The following USP28 variants were observed in gnomAD, a reference collection of about 807,000 sequenced individuals.
The protein encoded by USP28 is ubiquitin specific peptidase 28.
USP28 carries 113 observed loss-of-function variants against 145.0 expected under a neutral mutation model. The observed-to-expected ratio is 0.78, with a 90% CI of 0.67 to 0.91. The LOEUF (loss-of-function observed/expected upper bound fraction) is 0.91. Among genes scored for constraint, USP28 ranks in the 40% least tolerant of loss-of-function variants. The pLI, the probability that USP28 is intolerant of heterozygous loss-of-function variation, is 0.00. For missense variants in USP28, 1,201 were observed against 1,289.6 expected (o/e 0.93, Z 1.05); for synonymous variants, 447 against 450.9 (o/e 0.99, Z 0.11).
intron 2 of USP28, 45 bp downstream of exon 2, chr11:113,854,213 C>G: frequency 6.5e-7 from 1 of 1,530,536 alleles, no homozygotes; most frequent in Non-Finnish European, 9.0e-7. Flanking sequence ...ATAATATAGA[C>G]AGCTGCTTTA....
chr11:113,853,098 T>C (rs1352926214), intron 2 of USP28, among the ~76,000 whole-genome samples: 2 of 151,894 alleles, frequency 1.3e-5, no homozygotes, highest in African/African-American at 4.8e-5. Flanking sequence ...AGCCCAGGAA[T>C]TGGAGACCAG....
intron 24 of USP28, among the ~76,000 whole-genome samples, chr11:113,799,988 C>G (rs1228869421): frequency 6.6e-6 from 1 of 151,990 alleles, no homozygotes; most frequent in Non-Finnish European, 1.5e-5. Flanking sequence ...AACTTAAACA[C>G]TTGAACAAGT....
intron 1 of USP28, among the ~76,000 whole-genome samples, chr11:113,871,920 G>A (rs1948860058): frequency 6.6e-6 from 1 of 152,102 alleles, no homozygotes; most frequent in South Asian, 2.1e-4. Context: ...GGCTCTTGGG[G>A]TCAGAACTGC....
chr11:113,801,619 C>G (rs1355988726), exon 24 of USP28: 1 of 1,607,874 alleles, frequency 6.2e-7, no homozygotes, highest in Non-Finnish European at 8.5e-7. Flanking sequence ...CATTAATGCC[C>G]TCAGTTACGG....
chr11:113,855,429 CA>C (rs1354686724), intron 1 of USP28, among the ~76,000 whole-genome samples: 1 of 152,166 alleles, frequency 6.6e-6, no homozygotes, highest in East Asian at 1.9e-4. Flanking sequence ...GAAATTAATT[CA>C]GCAACAAGAA....
exon 16 of USP28, chr11:113,812,388 A>G: frequency 6.2e-7 from 1 of 1,614,108 alleles, no homozygotes; most frequent in Non-Finnish European, 8.5e-7. Context: ...ATTCAGTAAC[A>G]GAGATGTCAT....
Position 113,807,936 on chromosome 11 carries a change from C to T in USP28, c.2304+362G>A. 9.3e-7 allele frequency: 1 copy of T among 1,075,114 alleles called. No individual in the cohort carries two copies. Among genetic ancestry groups the T allele is most frequent in the Non-Finnish European group, 1.1e-6 (1 of 879,344 alleles). 66.6% of individuals were successfully genotyped at this position (1,075,114 alleles called of 1,614,324 possible). ...ACTGACAACAAACAACTATATCCTG[C>T]ACTCATCTCTGTACCTCCTCATCAT... is the stretch of plus-strand genomic sequence containing the variant. On this transcript the variant is annotated intron_variant, in intron 18 of 24. Transcript: ENST00000003302.
chr11:113,815,234 T>C lies in USP28; in HGVS notation c.1612A>G (p.Ile538Val), dbSNP rs141617594. The C allele has an allele frequency of 2.5e-6, 4 of 1,614,070 alleles. No individual in the cohort carries two copies. In the African/African-American group the frequency reaches 4.0e-5, roughly 16 times the overall value. Residue 538 changes from isoleucine to valine, a missense_variant, in exon 14 of 25, where the codon ATA becomes GTA. Coordinates refer to ENST00000003302, the Ensembl canonical transcript of USP28. Reference sequence around the variant, plus strand: ...TGAAGACAGGTCTTAACAAAATTTATCTCCTCATCTGTGACTGTTCGTGGA... The same window carrying C: ...TGAAGACAGGTCTTAACAAAATTTACCTCCTCATCTGTGACTGTTCGTGGA...
intron 1 of USP28, among the ~76,000 whole-genome samples, chr11:113,864,341 C>T (rs1042016205): frequency 5.3e-5 from 8 of 152,114 alleles, no homozygotes; most frequent in African/African-American, 1.7e-4. Flanking sequence ...CAGAGTTCCC[C>T]AGAGAAACAG....
chr11:113,814,091 A>T (rs1941374496), intron 14 of USP28, 136 bp from the exon 15 acceptor site: 1 of 612,016 alleles, frequency 1.6e-6, no homozygotes, highest in African/African-American at 1.9e-5. Context: ...GAAGCAATAT[A>T]CAGTTTTAAA....
At chr11:113,837,596 T>A (rs1175296049) in intron 5 of USP28, among the ~76,000 whole-genome samples, 1 of 152,218 alleles carries the variant, frequency 6.6e-6, no homozygotes, top group African/African-American at 2.4e-5. Flanking sequence ...CTTTCCTGGC[T>A]CCCTAACAAT....
chr11:113,800,305 T>A (rs1938749069), intron 24 of USP28, among the ~76,000 whole-genome samples: 1 of 147,404 alleles, frequency 6.8e-6, no homozygotes, highest in African/African-American at 2.5e-5. Context: ...GCGCCCGGCC[T>A]TTTTTGTTTT....
chr11:113,828,112 T>G (rs1024354236), intron 10 of USP28, among the ~76,000 whole-genome samples: 1 of 152,238 alleles, frequency 6.6e-6, no homozygotes, highest in Non-Finnish European at 1.5e-5. Context: ...ATGTCTGAGG[T>G]TCCTGTCAAC....
chr11:113,868,060 T>G (rs1447683456), intron 1 of USP28, among the ~76,000 whole-genome samples: 2 of 152,130 alleles, frequency 1.3e-5, no homozygotes. Flanking sequence ...CTGGAAATAG[T>G]GCCATGCAGC....
intron 2 of USP28, 42 bp downstream of exon 2, chr11:113,854,216 C>T: frequency 6.5e-7 from 1 of 1,544,446 alleles, no homozygotes; most frequent in Non-Finnish European, 8.9e-7. Context: ...ATATAGACAG[C>T]TGCTTTAAAG....
intron 21 of USP28, 73 bp from the exon 23 acceptor site, chr11:113,803,950 A>T: frequency 7.4e-7 from 1 of 1,350,750 alleles, no homozygotes; most frequent in Non-Finnish European, 1.0e-6. Context: ...CTAAGTTTTA[A>T]ATTCATTACA....
chr11:113,862,807 A>G (rs1348570045), intron 1 of USP28, among the ~76,000 whole-genome samples: 1 of 152,226 alleles, frequency 6.6e-6, no homozygotes, highest in Admixed American at 6.5e-5. Flanking sequence ...ACCTTGATTG[A>G]TACAGAAAAA....
intron 11 of USP28, among the ~76,000 whole-genome samples, chr11:113,826,749 G>A (rs183816516): frequency 5.5e-4 from 83 of 151,838 alleles, no homozygotes; most frequent in Non-Finnish European, 9.0e-4. Context: ...GAGAAACCCC[G>A]TCTCTACTAA....
intron 9 of USP28, among the ~76,000 whole-genome samples, chr11:113,829,824 CAAAAAAA>C (rs5794883): frequency 9.6e-6 from 1 of 104,706 alleles, no homozygotes. Flanking sequence ...GGACTTGTCT[CAAAAAAA>C]AAAAAAAAAA....
Sources: gnomAD v4.1 joint callset for allele counts (sites outside exome capture counted in the v4.1 genomes callset) on GRCh38, gnomAD v4.1.1 for gene constraint, MANE v1.5 for transcripts, NCBI Gene and HGNC (gene_info 2026-07-23, HGNC 2026-07-21) for gene names.